Variants in KCMF1 observed in about 807,000 individuals in gnomAD.
KCMF1 encodes potassium channel modulatory factor 1, also known as E3 ubiquitin-protein ligase KCMF1.
Under a neutral mutation model 41.1 loss-of-function variants are expected in KCMF1, and 3 were observed. The ratio of observed to expected loss-of-function variants is 0.07; its 90% CI spans 0.03 to 0.19. The LOEUF is 0.19. Among genes scored for constraint, KCMF1 ranks in the 10% least tolerant of loss-of-function variants. KCMF1 has a pLI of 1.00. For synonymous variants in KCMF1, 142 were observed against 164.5 expected (o/e 0.86, Z 1.04); for missense variants, 286 against 488.9 (o/e 0.58, Z 3.91).
chr2:84,974,014 G>C (rs1416303271), intron 1 of KCMF1, among the ~76,000 whole-genome samples: 1 of 151,786 alleles, frequency 6.6e-6, no homozygotes, highest in Non-Finnish European at 1.5e-5. Context: ...TTTTAGTAGA[G>C]ATCGGGTTTC....
Position 85,053,519 on chromosome 2 carries a change from G to GT in KCMF1, c.*112dup. ...TTGTAATTTCAGGTCTGTCACTCTT[G>GT]TTACATTGTGTACATTCAAAAGGAA... On this transcript the variant is annotated 3_prime_UTR_variant, in exon 7 of 7. Coordinates refer to ENST00000409785, the MANE Select transcript of KCMF1 (RefSeq NM_020122.5). 9.4e-7 allele frequency: 1 copy of GT among 1,064,254 alleles called. No homozygotes were observed. The allele number at this position is 1,064,254 out of a possible 1,614,324, so 65.9% of individuals were successfully genotyped here.
intron 1 of KCMF1, among the ~76,000 whole-genome samples, chr2:84,990,419 T>G (rs560125383): frequency 6.6e-6 from 1 of 152,306 alleles, no homozygotes; most frequent in African/African-American, 2.4e-5. Flanking sequence ...CTTCTCACTC[T>G]GAAGCTTATA....
At position 85,053,680 on chromosome 2, in the gene KCMF1, C is replaced by G; in HGVS notation, c.*271C>G. 1 of 321,094 alleles carries G rather than the reference C, an allele frequency of 3.1e-6. No homozygotes were observed. 19.9% of individuals were successfully genotyped at this position (321,094 alleles called of 1,614,324 possible). A position where few individuals can be genotyped will look rare whatever the true frequency, so the allele number is the denominator to read the frequency against. ...AAAGGCTCTCCTAATACTCCACATT[C>G]AAACTGAAGAGGAAAATTGAAATCT... On this transcript the variant is annotated 3_prime_UTR_variant, in exon 7 of 7. Coordinates refer to ENST00000409785, the MANE Select transcript of KCMF1 (RefSeq NM_020122.5).
intron 1 of KCMF1, among the ~76,000 whole-genome samples, chr2:84,975,949 C>T (rs1477445961): frequency 6.6e-6 from 1 of 152,164 alleles, no homozygotes. Context: ...ACCTTTCAGT[C>T]ACTACTATGT....
At chr2:85,004,698 G>A (rs1674423132) in intron 1 of KCMF1, among the ~76,000 whole-genome samples, 1 of 151,972 alleles carries the variant, frequency 6.6e-6, no homozygotes, top group Admixed American at 6.6e-5. Context: ...GTTGTGATTC[G>A]TAGGATTGTT....
chr2:85,039,118 TGTTAA>T (rs962441701), intron 3 of KCMF1, among the ~76,000 whole-genome samples: 26 of 152,360 alleles, frequency 1.7e-4, no homozygotes, highest in Admixed American at 1.4e-3. Context: ...TAAACTAAAG[TGTTAA>T]GTTAGTTCTG....
intron 1 of KCMF1, among the ~76,000 whole-genome samples, chr2:85,002,483 C>T (rs1260025347): frequency 6.6e-6 from 1 of 152,084 alleles, no homozygotes; most frequent in African/African-American, 2.4e-5. Context: ...AGAGACTTCC[C>T]ATATATTCCT....
chr2:85,052,289 T>C (rs1249132047), intron 6 of KCMF1, among the ~76,000 whole-genome samples: 1 of 152,180 alleles, frequency 6.6e-6, no homozygotes, highest in Non-Finnish European at 1.5e-5. Flanking sequence ...CAGGCTGGTC[T>C]CAAACTCCTG....
chr2:85,020,483 C>T (rs1282962741), intron 1 of KCMF1, among the ~76,000 whole-genome samples: 2 of 152,130 alleles, frequency 1.3e-5, no homozygotes, highest in Non-Finnish European at 2.9e-5. Flanking sequence ...GGCTGGAGCG[C>T]AGTGGCACAA....
At chr2:85,018,278 T>G (rs900651228) in intron 1 of KCMF1, among the ~76,000 whole-genome samples, 1 of 150,228 alleles carries the variant, frequency 6.7e-6, no homozygotes, top group Non-Finnish European at 1.5e-5. Context: ...TTTTTTTTTT[T>G]TTTTTTTTTT....
At chr2:84,973,825 C>CTTTTTTTTTTTTTTTTTTTTT (rs1238178193) in intron 1 of KCMF1, among the ~76,000 whole-genome samples, 12 of 110,272 alleles carry the variant, frequency 1.1e-4, no homozygotes, top group Non-Finnish European at 2.1e-4. Context: ...TTATTTCTTT[C>CTTTTTTTTTTTTTTTTTTTTT]TTTTTTTTTT....
intron 1 of KCMF1, among the ~76,000 whole-genome samples, chr2:84,999,033 CCCACCCATCCATCCATCCAT>C (rs1351601945): frequency 2.3e-5 from 3 of 131,596 alleles, no homozygotes; most frequent in Non-Finnish European, 4.9e-5. Context: ...CATCCATCCA[CCCACCCATCCATCCATCCAT>C]CCATCCATCC....
rs530978246 is a variant in KCMF1, at chr2:84,979,984, G to A, written c.16+8517G>A. Among the ~76,000 whole-genome samples, 15 of 151,614 alleles carry A rather than the reference G, an allele frequency of 9.9e-5. No individual in the cohort carries two copies. The East Asian group carries it at 1.4e-3, about 14-fold the overall frequency. On this transcript the variant is annotated intron_variant, in intron 1 of 6. Coordinates refer to ENST00000409785, the MANE Select transcript of KCMF1 (RefSeq NM_020122.5). ...ATTACAGGCATGCGCCACCACGCCC[G>A]GCTAATTTTGTATTTTTTTTTTTTT...
chr2:85,056,188 A>G lies in KCMF1; in HGVS notation c.*2779A>G, dbSNP rs1000368683. 2.0e-5 allele frequency: 3 copies of G among 151,056 alleles called. No individual in the cohort carries two copies. The highest frequency in any genetic ancestry group is 2.9e-5 in the Non-Finnish European group (2 of 67,902). 9.4% of individuals were successfully genotyped at this position (151,056 alleles called of 1,614,324 possible). On this transcript the variant is annotated 3_prime_UTR_variant, in exon 7 of 7. Transcript: ENST00000409785. ...GTAGTGGATTCTTATAATTAGGCTC[A>G]GGTAAAGTAAGAGAAAACTTCTCTC...
intron 1 of KCMF1, among the ~76,000 whole-genome samples, chr2:84,979,156 TG>T (rs1275511723): frequency 4.6e-5 from 7 of 152,206 alleles, no homozygotes; most frequent in African/African-American, 1.7e-4. Flanking sequence ...ATGTTTTTTT[TG>T]TTTTTAAACT....
At chr2:85,034,229 AC>A (rs1675354356) in intron 2 of KCMF1, among the ~76,000 whole-genome samples, 1 of 152,100 alleles carries the variant, frequency 6.6e-6, no homozygotes, top group Admixed American at 6.6e-5. Context: ...GTTAGCATTT[AC>A]AAAAAATGAA....
intron 1 of KCMF1, among the ~76,000 whole-genome samples, chr2:85,016,938 T>C (rs576801059): frequency 1.3e-5 from 2 of 151,956 alleles, no homozygotes; most frequent in East Asian, 3.9e-4. Flanking sequence ...GATCCACCCA[T>C]CTCAGGCGTG....
rs901848537 is a variant in KCMF1 at position 84,984,197 on chromosome 2, T to C, written c.16+12730T>C. ...AGCTGGGCAACATGGTAAGACCCCA[T>C]CTTCACAAAATAAGTAAATAAATAA... On this transcript the variant is annotated intron_variant, in intron 1 of 6. Transcript: ENST00000409785. 9.2e-5 allele frequency among the ~76,000 whole-genome samples: 14 copies of C among 151,676 alleles called. No homozygotes were observed. The South Asian group carries it at 1.7e-3, about 18-fold the overall frequency.
chr2:85,004,391 A>G (rs778331394), intron 1 of KCMF1, among the ~76,000 whole-genome samples: 36 of 152,228 alleles, frequency 2.4e-4, no homozygotes, highest in Admixed American at 4.6e-4. Context: ...GGCACCTTGT[A>G]GTCCCAGCTA....
Sources: allele counts gnomAD v4.1 joint callset (sites outside exome capture counted in the v4.1 genomes callset), GRCh38; gene constraint gnomAD v4.1.1; transcripts MANE v1.5; gene names NCBI Gene and HGNC (gene_info 2026-07-23, HGNC 2026-07-21).